CHD3: variants seen among roughly 807,000 people sequenced by gnomAD.
CHD3 encodes chromodomain helicase DNA binding protein 3.
Under a neutral mutation model 248.9 loss-of-function variants are expected in CHD3, and 52 were observed. The ratio of observed to expected loss-of-function variants is 0.21; its 90% CI spans 0.17 to 0.26. The LOEUF (loss-of-function observed/expected upper bound fraction) is 0.26, where lower values mean the gene tolerates loss of function less well. Among genes scored for constraint, CHD3 ranks in the 10% least tolerant of loss-of-function variants. CHD3 has a pLI of 1.00. For synonymous variants in CHD3, 985 were observed against 985.2 expected, an observed-to-expected ratio of 1.00 and a Z score of 0.00; for missense variants, 1,482 against 2,605.8, an observed-to-expected ratio of 0.57 and a Z score of 9.39.
rs117629638 is a variant in CHD3, at chr17:7,911,350, T to C, written c.5882-114T>C. On this transcript the variant is annotated intron_variant, in intron 39 of 39. Coordinates refer to ENST00000330494, the MANE Select transcript of CHD3 (RefSeq NM_001005273.3). The surrounding 1 kb of genome is among the most constrained non-coding windows in gnomAD (Gnocchi z 5.4). ...TTGCCCGGGTCTTCCCTCCCTCACG[T>C]GGGACAACGGGAAGTGGCAGGAGGT... 19,946 of 1,530,858 alleles carry C rather than the reference T, an allele frequency of 0.013. 853 individuals are homozygous for C. In the East Asian group the frequency reaches 0.17, roughly 13 times the overall value. The allele number at this position is 1,530,858 out of a possible 1,614,324, so 94.8% of individuals were successfully genotyped here. A position where few individuals can be genotyped will look rare whatever the true frequency, so the allele number is the denominator to read the frequency against.
chr17:7,893,270 GCT>G lies in CHD3; in HGVS notation c.510-15_510-14del. On this transcript the variant is annotated splice_polypyrimidine_tract_variant and intron_variant, in intron 4 of 39. Coordinates refer to ENST00000330494, the MANE Select transcript of CHD3 (RefSeq NM_001005273.3). ...CATCTGTGAAGGGTCCGAGTTTTCTGCTTCTATATTTACAGGCCCCTAATTGC... is the reference window on the plus strand; with the variant it reads ...CATCTGTGAAGGGTCCGAGTTTTCTGTCTATATTTACAGGCCCCTAATTGC... 1.3e-6 allele frequency: 2 copies of G among 1,592,494 alleles called. No homozygotes were observed. Among genetic ancestry groups the G allele is most frequent in the Non-Finnish European group, 1.7e-6 (2 of 1,167,452 alleles).
chr17:7,899,417 G>T lies in CHD3; in HGVS notation c.2418G>T (p.Met806Ile). Reference sequence around the variant, plus strand: ...TTAACTGGGAGCGGGAGTTCCAGATGTGGGCACCCAAATTCTATGTGGTGA... The same window carrying T: ...TTAACTGGGAGCGGGAGTTCCAGATTTGGGCACCCAAATTCTATGTGGTGA... ...TIINWEREFQ[M>I]WAPKFYVVTY... Residue 806 changes from methionine to isoleucine, a missense_variant, in exon 15 of 40, where the codon ATG becomes ATT. Transcript: ENST00000330494. This position sits in a 1 kb window ranked among gnomAD's most constrained non-coding sequence, Gnocchi z 6.8. 2 of 1,614,198 alleles carry T rather than the reference G, an allele frequency of 1.2e-6. No homozygotes were observed. The highest frequency in any genetic ancestry group is 2.7e-5 in the African/African-American group (2 of 75,046).
chr17:7,898,015 A>G lies in CHD3; in HGVS notation c.1964A>G (p.Asp655Gly). The G allele has an allele frequency of 6.2e-7, 1 of 1,614,126 alleles. No individual in the cohort carries two copies. The highest frequency in any genetic ancestry group is 1.1e-5 in the South Asian group (1 of 91,086). ...TACCACTATCTAGTAAAATGGAGGGACTTACCATATGACCAGTCCACGTGG... is the reference window on the plus strand; with the variant it reads ...TACCACTATCTAGTAAAATGGAGGGGCTTACCATATGACCAGTCCACGTGG... ...GNYHYLVKWR[D>G]LPYDQSTWEE... Residue 655 changes from aspartate to glycine, a missense_variant, in exon 12 of 40, where the codon GAC (aspartate) becomes GGC (glycine). Asp to Gly is a moderately conservative substitution (Grantham distance 94, BLOSUM62 -1). This residue lies in a region of CHD3 where 127 missense variants were observed against 188.3 expected (regional missense o/e 0.67). Coordinates refer to ENST00000330494, the MANE Select transcript of CHD3 (RefSeq NM_001005273.3).
upstream of CHD3, chr17:7,888,737 TGCGC>T: frequency 9.2e-7 from 1 of 1,089,504 alleles, no homozygotes; most frequent in Non-Finnish European, 1.2e-6. Flanking sequence ...GGTGCGCGCG[TGCGC>T]GCGCGTGCTT....
upstream of CHD3, among the ~76,000 whole-genome samples, chr17:7,885,490 G>A (rs1967755820): frequency 6.6e-6 from 1 of 151,530 alleles, no homozygotes; most frequent in African/African-American, 2.4e-5. Flanking sequence ...CGAAGCCAGG[G>A]CCCCCTCCCT....
At chr17:7,885,362 G>A (rs1250895226), upstream of CHD3, 1 of 145,996 alleles carries the variant, frequency 6.8e-6, no homozygotes, top group Non-Finnish European at 1.4e-5. Flanking sequence ...GCTGGAGAGC[G>A]CTGGGCGCGA....
Position 7,895,150 on chromosome 17 carries a change from A to G in CHD3, c.1503A>G (p.Thr501=). The change falls in exon 9 of 40, where the codon ACA becomes ACG. Residue 501 remains threonine, a splice_region_variant and synonymous_variant. Coordinates refer to ENST00000330494, the MANE Select transcript of CHD3 (RefSeq NM_001005273.3). The surrounding 1 kb of genome is among the most constrained non-coding windows in gnomAD (Gnocchi z 4.9). ...PNGEWLCPRC[T]CPVLKGRVQK... ...GTGAATGGCTGTGTCCCCGATGCACAGTGAGTGGAAACATCTCCCCTCTGT... is the reference window on the plus strand; with the variant it reads ...GTGAATGGCTGTGTCCCCGATGCACGGTGAGTGGAAACATCTCCCCTCTGT... 6.2e-7 allele frequency: 1 copy of G among 1,613,278 alleles called. No individual in the cohort carries two copies. Among genetic ancestry groups the G allele is most frequent in the Non-Finnish European group, 8.5e-7 (1 of 1,179,420 alleles).
At chr17:7,896,215 G>A (rs1280781129) in intron 10 of CHD3, among the ~76,000 whole-genome samples, 14 of 111,538 alleles carry the variant, frequency 1.3e-4, no homozygotes, top group Admixed American at 2.2e-4. Flanking sequence ...GCGACAGAGC[G>A]ACACTCTATC....
Position 7,911,334 on chromosome 17 carries a change from T to A in CHD3, c.5882-130T>A. ...TCTCAGGGAAAGGGGTTTGCCCGGG[T>A]CTTCCCTCCCTCACGTGGGACAACG... On this transcript the variant is annotated intron_variant, in intron 39 of 39. Coordinates refer to ENST00000330494, the MANE Select transcript of CHD3 (RefSeq NM_001005273.3). The surrounding 1 kb of genome is among the most constrained non-coding windows in gnomAD (Gnocchi z 5.4). 7.1e-7 allele frequency: 1 copy of A among 1,415,176 alleles called. No individual in the cohort carries two copies. The highest frequency in any genetic ancestry group is 1.2e-5 in the South Asian group (1 of 85,594). 87.7% of individuals were successfully genotyped at this position (1,415,176 alleles called of 1,614,324 possible).
At position 7,909,537 on chromosome 17, in the gene CHD3, A is replaced by G; in HGVS notation, c.5590+199A>G. 1.4e-6 allele frequency: 1 copy of G among 715,418 alleles called. No homozygotes were observed. The highest frequency in any genetic ancestry group is 2.2e-6 in the Non-Finnish European group (1 of 457,018). 44.3% of individuals were successfully genotyped at this position (715,418 alleles called of 1,614,324 possible). On this transcript the variant is annotated intron_variant, in intron 37 of 39. Coordinates refer to ENST00000330494, the MANE Select transcript of CHD3 (RefSeq NM_001005273.3). This position sits in a 1 kb window ranked among gnomAD's most constrained non-coding sequence, Gnocchi z 8.1. Reference sequence around the variant, plus strand: ...GACTTGTGCAAGCCAACCCTCATCCATGTCTGATAGCATTCACATCCGTGC... The same window carrying G: ...GACTTGTGCAAGCCAACCCTCATCCGTGTCTGATAGCATTCACATCCGTGC...
In CHD3 at chr17:7,889,201, C is replaced by T. The variant is rs2151450557; in HGVS notation, c.100+101C>T. ...AGAACCCAGGTGTCCACCTTTGGCT[C>T]TCCCTCCCCAGCATCTGGCTTAGGG... On this transcript the variant is annotated intron_variant, in intron 1 of 39. Transcript: ENST00000330494. This position sits in a 1 kb window ranked among gnomAD's most constrained non-coding sequence, Gnocchi z 4.5. 6.9e-7 allele frequency: 1 copy of T among 1,450,210 alleles called. No individual in the cohort carries two copies. The highest frequency in any genetic ancestry group is 2.3e-5 in the East Asian group (1 of 43,754). 89.8% of individuals were successfully genotyped at this position (1,450,210 alleles called of 1,614,324 possible).
chr17:7,900,144 C>G lies in CHD3; in HGVS notation c.2682+111C>G. Reference sequence around the variant, plus strand: ...ATTTTCTGTAGTCTGGGAGGACGTCCAGGTTGGAAGAGGGAGAGGGCCAGA... The same window carrying G: ...ATTTTCTGTAGTCTGGGAGGACGTCGAGGTTGGAAGAGGGAGAGGGCCAGA... On this transcript the variant is annotated intron_variant, in intron 16 of 39. Coordinates refer to ENST00000330494, the MANE Select transcript of CHD3 (RefSeq NM_001005273.3). This position sits in a 1 kb window ranked among gnomAD's most constrained non-coding sequence, Gnocchi z 6.5. 1 of 1,525,562 alleles carries G rather than the reference C, an allele frequency of 6.6e-7. No individual in the cohort carries two copies. Among genetic ancestry groups the G allele is most frequent in the Non-Finnish European group, 8.9e-7 (1 of 1,127,470 alleles). The allele number at this position is 1,525,562 out of a possible 1,614,324, so 94.5% of individuals were successfully genotyped here. A position where few individuals can be genotyped will look rare whatever the true frequency, so the allele number is the denominator to read the frequency against.
intron 20 of CHD3, among the ~76,000 whole-genome samples, chr17:7,902,187 G>A (rs371657909): frequency 1.1e-3 from 166 of 152,174 alleles, no homozygotes; most frequent in African/African-American, 2.4e-3. Flanking sequence ...TTGGGAGGCC[G>A]AGGCAGGAAG....
chr17:7,911,332 G>A lies in CHD3; in HGVS notation c.5882-132G>A. On this transcript the variant is annotated intron_variant, in intron 39 of 39. Transcript: ENST00000330494. The surrounding 1 kb of genome is among the most constrained non-coding windows in gnomAD (Gnocchi z 5.4). Reference sequence around the variant, plus strand: ...AATCTCAGGGAAAGGGGTTTGCCCGGGTCTTCCCTCCCTCACGTGGGACAA... The same window carrying A: ...AATCTCAGGGAAAGGGGTTTGCCCGAGTCTTCCCTCCCTCACGTGGGACAA... 7.2e-7 allele frequency: 1 copy of A among 1,396,928 alleles called. No homozygotes were observed. The highest frequency in any genetic ancestry group is 1.0e-6 in the Non-Finnish European group (1 of 997,548). 86.5% of individuals were successfully genotyped at this position (1,396,928 alleles called of 1,614,324 possible).
At chr17:7,887,747 G>C (rs940527037), upstream of CHD3, among the ~76,000 whole-genome samples, 2 of 152,072 alleles carry the variant, frequency 1.3e-5, no homozygotes, top group African/African-American at 4.8e-5. Context: ...GCGCCCTCCG[G>C]CCCCCGCCTC....
At position 7,910,041 on chromosome 17, in the gene CHD3, C is replaced by T. The variant is rs1971457864; in HGVS notation, c.5591-387C>T. ...ACTTACCACCTCCCATGCCTCCTGA[C>T]TATTTCCTCCCCATCATCCCCAACC... On this transcript the variant is annotated intron_variant, in intron 37 of 39. Transcript: ENST00000330494. The surrounding 1 kb of genome is among the most constrained non-coding windows in gnomAD (Gnocchi z 4.7). 1 of 318,972 alleles carries T rather than the reference C, an allele frequency of 3.1e-6. No homozygotes were observed. The highest frequency in any genetic ancestry group is 6.0e-6 in the Non-Finnish European group (1 of 167,544). The allele number at this position is 318,972 out of a possible 1,614,324, so 19.8% of individuals were successfully genotyped here. A position where few individuals can be genotyped will look rare whatever the true frequency, so the allele number is the denominator to read the frequency against.
intron 8 of CHD3, 132 bp from the exon 9 acceptor site, chr17:7,894,785 G>C: frequency 7.0e-7 from 1 of 1,428,202 alleles, no homozygotes; most frequent in Non-Finnish European, 9.5e-7. Context: ...TGAAACTGGA[G>C]TGTCCTTTTC....
Position 7,888,971 on chromosome 17 carries a change from T to G in CHD3, c.-30T>G, listed in dbSNP as rs1225605465. The G allele has an allele frequency of 1.9e-6, 3 of 1,613,928 alleles. No homozygotes were observed. The highest frequency in any genetic ancestry group is 1.7e-6 in the Non-Finnish European group (2 of 1,179,904). Reference sequence around the variant, plus strand: ...TAGGCTACTTGGGAGGAGGAATATTTAGGTAATTGTGGAGACTTTCTCCTG... The same window carrying G: ...TAGGCTACTTGGGAGGAGGAATATTGAGGTAATTGTGGAGACTTTCTCCTG... On this transcript the variant is annotated 5_prime_UTR_variant, in exon 1 of 40. An upstream open reading frame in the 5' UTR loses its in-frame stop. Coordinates refer to ENST00000330494, the MANE Select transcript of CHD3 (RefSeq NM_001005273.3).
At chr17:7,898,692 T>A (rs920477292) in intron 13 of CHD3, 97 bp downstream of exon 13, 30 of 915,398 alleles carry the variant, frequency 3.3e-5, no homozygotes, top group Non-Finnish European at 4.7e-5. Context: ...TTCAGTAACC[T>A]CTGTGAACAG....
Sources: gnomAD v4.1 joint callset for allele counts (sites outside exome capture counted in the v4.1 genomes callset) on GRCh38, gnomAD v4.1.1 for gene constraint, gnomAD v4.1.1 regional missense constraint, Gnocchi (gnomAD v3.1) non-coding constraint, MANE v1.5 for transcripts, NCBI Gene and HGNC (gene_info 2026-07-23, HGNC 2026-07-21) for gene names.